Variants in SEMA3A observed in about 807,000 individuals in gnomAD.
SEMA3A encodes the protein semaphorin 3A, also known as semaphorin-3A.
SEMA3A carries 29 observed loss-of-function variants against 97.9 expected under a neutral mutation model. The observed-to-expected ratio is 0.30, with a 90% confidence interval of 0.22 to 0.40. SEMA3A has a LOEUF of 0.40. SEMA3A is among the 10% of genes least tolerant of loss of function. SEMA3A has a pLI of 1.00. For missense variants in SEMA3A, 763 were observed against 951.3 expected (o/e 0.80, Z 2.60); for synonymous variants, 321 against 323.7 (o/e 0.99, Z 0.09).
intron 1 of SEMA3A, among the ~76,000 whole-genome samples, chr7:84,393,552 T>A (rs1398582538): frequency 6.6e-6 from 1 of 152,136 alleles, no homozygotes; most frequent in Non-Finnish European, 1.5e-5. Context: ...GCATCTATGA[T>A]CAATCATTCA....
chr7:84,463,415 A>C (rs1805911331), intron 1 of SEMA3A, among the ~76,000 whole-genome samples: 1 of 151,120 alleles, frequency 6.6e-6, no homozygotes, highest in African/African-American at 2.4e-5. Flanking sequence ...CGCCCGGCTA[A>C]TTTTTTGTAT....
intron 3 of SEMA3A, among the ~76,000 whole-genome samples, chr7:84,255,543 T>G (rs2115633329): frequency 6.6e-6 from 1 of 152,254 alleles, no homozygotes; most frequent in Non-Finnish European, 1.5e-5. Context: ...ATTACTCAAA[T>G]GGATAGTCTT....
chr7:84,045,180 T>G, intron 6 of SEMA3A, among the ~76,000 whole-genome samples: 1 of 152,060 alleles, frequency 6.6e-6, no homozygotes, highest in African/African-American at 2.4e-5. Flanking sequence ...TGAACTAAAT[T>G]TTGGGGTTCC....
At chr7:84,481,374 T>TA (rs1349400106) in intron 1 of SEMA3A, among the ~76,000 whole-genome samples, 3 of 152,178 alleles carry the variant, frequency 2.0e-5, no homozygotes, top group Non-Finnish European at 4.4e-5. Context: ...CTCTGAGATG[T>TA]TTTCCTAAAG....
chr7:84,429,245 T>C (rs761306733), intron 1 of SEMA3A, among the ~76,000 whole-genome samples: 22 of 151,788 alleles, frequency 1.4e-4, no homozygotes, highest in Admixed American at 2.6e-4. Context: ...TGCTTGATAC[T>C]ACAAAACATT....
intron 3 of SEMA3A, among the ~76,000 whole-genome samples, chr7:84,231,490 G>A (rs563101256): frequency 6.6e-6 from 1 of 152,100 alleles, no homozygotes; most frequent in South Asian, 2.1e-4. Context: ...GGAGTGGAAA[G>A]TATAAACAAG....
intron 2 of SEMA3A, among the ~76,000 whole-genome samples, chr7:84,316,130 C>CAAAAAAAAAA (rs202005657): frequency 1.7e-4 from 5 of 30,226 alleles, no homozygotes; most frequent in East Asian, 1.0e-3. Flanking sequence ...GACTCTATCT[C>CAAAAAAAAAA]AAAAAAAAAA....
chr7:84,222,188 G>T (rs1038472291), intron 3 of SEMA3A, among the ~76,000 whole-genome samples: 12 of 151,802 alleles, frequency 7.9e-5, no homozygotes, highest in Non-Finnish European at 1.8e-4. Context: ...ATGAAAAAAT[G>T]ATCTAACAAT....
chr7:84,080,158 A>T (rs185771572), intron 4 of SEMA3A, among the ~76,000 whole-genome samples: 43 of 97,188 alleles, frequency 4.4e-4, no homozygotes, highest in African/African-American at 2.2e-3. Flanking sequence ...AACAATGAGA[A>T]CACATGGACA....
chr7:84,121,351 C>A (rs555324364), intron 3 of SEMA3A, among the ~76,000 whole-genome samples: 5 of 150,394 alleles, frequency 3.3e-5, no homozygotes, highest in African/African-American at 9.8e-5. Flanking sequence ...CTAATGTTAT[C>A]CCTCCCCACT....
intron 2 of SEMA3A, among the ~76,000 whole-genome samples, chr7:84,363,787 G>A (rs1802781800): frequency 6.6e-6 from 1 of 151,824 alleles, no homozygotes; most frequent in African/African-American, 2.4e-5. Flanking sequence ...TTCTCATAGT[G>A]TGATCTAGGG....
rs144325258 is a variant in SEMA3A, at chr7:84,330,753, T to A, written c.-168-23461A>T. On this transcript the variant is annotated intron_variant, in intron 2 of 3. Coordinates refer to the SEMA3A transcript ENST00000424555. ...TTTAGAATACTACAAGCACTTTTTT[T>A]AAAAAATAATTCAACTCCTCCATGA... Among the ~76,000 whole-genome samples the A allele has an allele frequency of 3.2e-3, 492 of 152,202 alleles. 3 individuals carry two copies. Among genetic ancestry groups the A allele is most frequent in the African/African-American group, 0.01 (416 of 41,550 alleles).
chr7:84,442,383 G>A (rs928434782), intron 1 of SEMA3A, among the ~76,000 whole-genome samples: 1 of 152,054 alleles, frequency 6.6e-6, no homozygotes, highest in African/African-American at 2.4e-5. Context: ...TTGAAGTTAT[G>A]CTGGTGTAAA....
chr7:84,117,457 G>A (rs1423551280), intron 3 of SEMA3A, among the ~76,000 whole-genome samples: 1 of 152,152 alleles, frequency 6.6e-6, no homozygotes, highest in East Asian at 1.9e-4. Context: ...AGGCAGACTG[G>A]TACCAGTCAG....
In SEMA3A at chr7:84,244,982, G is replaced by A. The variant is rs191420488; in HGVS notation, c.-82-50314C>T. Among the ~76,000 whole-genome samples, 207 of 152,182 alleles carry A rather than the reference G, an allele frequency of 1.4e-3. 2 individuals carry two copies. The highest frequency in any genetic ancestry group is 0.013 in the Admixed American group (198 of 15,272). ...CTGTTAGTCTGATGGGCTTCCCTTC[G>A]TGGGTAACCCGACCTTTCTCTCTGG... On this transcript the variant is annotated intron_variant, in intron 3 of 3. Coordinates refer to the SEMA3A transcript ENST00000424555.
chr7:84,361,539 A>C (rs1282738533), intron 2 of SEMA3A, among the ~76,000 whole-genome samples: 3 of 152,034 alleles, frequency 2.0e-5, no homozygotes, highest in Non-Finnish European at 4.4e-5. Flanking sequence ...GATTTTCTAA[A>C]TATAAAGCAA....
chr7:84,230,955 A>AC (rs1799103484), intron 3 of SEMA3A, among the ~76,000 whole-genome samples: 1 of 151,610 alleles, frequency 6.6e-6, no homozygotes. Context: ...TTTACAGTTT[A>AC]CCCCCCAATC....
intron 6 of SEMA3A, among the ~76,000 whole-genome samples, chr7:84,027,761 G>C (rs1198440122): frequency 6.6e-6 from 1 of 152,144 alleles, no homozygotes; most frequent in African/African-American, 2.4e-5. Context: ...GTTACTGTGT[G>C]ACCATGAGCA....
intron 12 of SEMA3A, among the ~76,000 whole-genome samples, chr7:83,986,496 A>G (rs1232564503): frequency 6.6e-6 from 1 of 152,180 alleles, no homozygotes; most frequent in East Asian, 1.9e-4. Flanking sequence ...AAAAGCCTAT[A>G]TAACTGAACA....
Sources: gnomAD v4.1 joint callset for allele counts (sites outside exome capture counted in the v4.1 genomes callset) on GRCh38, gnomAD v4.1.1 for gene constraint, MANE v1.5 for transcripts, NCBI Gene and HGNC (gene_info 2026-07-23, HGNC 2026-07-21) for gene names.